The following ECE1 variants were observed in gnomAD, a reference collection of about 807,000 sequenced individuals.
The protein encoded by ECE1 is endothelin-converting enzyme 1.
ECE1 carries 35 observed loss-of-function variants against 98.6 expected under a neutral mutation model. That is an observed-to-expected ratio of 0.35 (90% CI 0.27 to 0.47). The LOEUF is 0.47. ECE1 is among the 20% of genes least tolerant of loss of function. The probability of loss-of-function intolerance (pLI) is 1.00; values close to 1 mark genes in which losing one functional copy is unlikely to be tolerated. For missense variants in ECE1, 814 were observed against 1,025.3 expected, an observed-to-expected ratio of 0.79 and a Z score of 2.81; for synonymous variants, 394 against 407.1, an observed-to-expected ratio of 0.97 and a Z score of 0.39.
In ECE1 at chr1:21,345,364, C is replaced by T; in HGVS notation, c.3+12G>A. 2 of 1,358,006 alleles carry T rather than the reference C, an allele frequency of 1.5e-6. No individual in the cohort carries two copies. Among genetic ancestry groups the T allele is most frequent in the Non-Finnish European group, 1.9e-6 (2 of 1,046,402 alleles). 84.1% of individuals were successfully genotyped at this position (1,358,006 alleles called of 1,614,324 possible). ...GGCTGGACCGGACCAGACCTCCGCG[C>T]GCAGCACTCACCATAGCTCGCGTGC... On this transcript the variant is annotated intron_variant, in intron 1 of 18. Transcript: ENST00000415912. The surrounding 1 kb of genome is among the most constrained non-coding windows in gnomAD (Gnocchi z 5.1).
At chr1:21,298,357 G>A (rs1030983946) in intron 1 of ECE1, 6 of 205,156 alleles carry the variant, frequency 2.9e-5, no homozygotes, top group Non-Finnish European at 4.1e-5. Flanking sequence ...GGTGCTCCGC[G>A]GCAGCATGCT....
chr1:21,221,784 A>G lies in ECE1; in HGVS notation c.2099T>C (p.Leu700Pro). 1 of 1,614,236 alleles carries G rather than the reference A, an allele frequency of 6.2e-7. No homozygotes were observed. The highest frequency in any genetic ancestry group is 8.5e-7 in the Non-Finnish European group (1 of 1,180,046). Reference protein sequence around the residue: ...GAEHSLPTLGLTNNQLFFLGF... With the variant: ...GAEHSLPTLGPTNNQLFFLGF... Reference sequence around the variant, plus strand: ...CAGGAAGAAGAGCTGGTTATTGGTGAGGCCCAGGGTGGGGAGCGAGTGCTC... The same window carrying G: ...CAGGAAGAAGAGCTGGTTATTGGTGGGGCCCAGGGTGGGGAGCGAGTGCTC... Residue 700 changes from leucine (L) to proline (P), a missense_variant, in exon 18 of 19, where the codon CTC becomes CCC. Leu to Pro is a moderately conservative substitution (Grantham distance 98). This residue lies in a region of ECE1 where 452 missense variants were observed against 567.3 expected (regional missense o/e 0.80). Coordinates refer to ENST00000374893, the MANE Select transcript of ECE1 (RefSeq NM_001397.3).
chr1:21,345,405 C>T lies in ECE1; in HGVS notation c.-27G>A. 2.3e-6 allele frequency: 3 copies of T among 1,328,956 alleles called. No homozygotes were observed. Among genetic ancestry groups the T allele is most frequent in the Non-Finnish European group, 1.9e-6 (2 of 1,029,068 alleles). The allele number at this position is 1,328,956 out of a possible 1,614,324, so 82.3% of individuals were successfully genotyped here. A position where few individuals can be genotyped will look rare whatever the true frequency, so the allele number is the denominator to read the frequency against. ...GCTCGCGTGCTCCGCCCCGGCTTCG[C>T]GCAGCTCCCCGCGCCCGGCTCCCGA... On this transcript the variant is annotated 5_prime_UTR_variant, in exon 1 of 19. Coordinates refer to the ECE1 transcript ENST00000415912. This position sits in a 1 kb window ranked among gnomAD's most constrained non-coding sequence, Gnocchi z 5.1.
rs562401936 is a variant in ECE1, at chr1:21,322,803, G to A, written c.3+22573C>T. Reference sequence around the variant, plus strand: ...GCTGAGAGAAAGAAACGGGGAGGCCGGGAAGGGAAGTGGGCATGGCCCCCG... The same window carrying A: ...GCTGAGAGAAAGAAACGGGGAGGCCAGGAAGGGAAGTGGGCATGGCCCCCG... On this transcript the variant is annotated intron_variant, in intron 1 of 18. Coordinates refer to the ECE1 transcript ENST00000415912. This position sits in a 1 kb window ranked among gnomAD's most constrained non-coding sequence, Gnocchi z 4.1. Among the ~76,000 whole-genome samples, 3 of 152,324 alleles carry A rather than the reference G, an allele frequency of 2.0e-5. No homozygotes were observed. Among genetic ancestry groups the A allele is most frequent in the Admixed American group, 6.5e-5 (1 of 15,304 alleles).
rs186289916 is a variant in ECE1 at position 21,281,131 on chromosome 1, A to G, written c.139-1799T>C. Among the ~76,000 whole-genome samples the G allele has an allele frequency of 4.0e-3, 610 of 152,322 alleles. 6 individuals carry two copies. The highest frequency in any genetic ancestry group is 0.014 in the African/African-American group (571 of 41,562). On this transcript the variant is annotated intron_variant, in intron 2 of 18. Coordinates refer to ENST00000374893, the MANE Select transcript of ECE1 (RefSeq NM_001397.3). ...CTTGAACCCGGGAGGCGGAGGTTGC[A>G]GTGAGCTGAGATTGCGCCACTGCAC...
intron 8 of ECE1, among the ~76,000 whole-genome samples, chr1:21,251,588 G>A (rs959617084): frequency 6.6e-6 from 1 of 152,200 alleles, no homozygotes; most frequent in African/African-American, 2.4e-5. Flanking sequence ...CGTGGCTGAT[G>A]GTAAAATACC....
At chr1:21,321,674 G>C (rs1638966510) in intron 1 of ECE1, among the ~76,000 whole-genome samples, 1 of 152,180 alleles carries the variant, frequency 6.6e-6, no homozygotes, top group Non-Finnish European at 1.5e-5. Context: ...GGAGTGTAAT[G>C]GCGCAATCTC....
rs2098224765 is a variant in ECE1, at chr1:21,260,082, G to A, written c.615+189C>T. Among the ~76,000 whole-genome samples, 2 of 152,178 alleles carry A rather than the reference G, an allele frequency of 1.3e-5. No individual in the cohort carries two copies. The highest frequency in any genetic ancestry group is 2.9e-5 in the Non-Finnish European group (2 of 68,026). On this transcript the variant is annotated intron_variant, in intron 5 of 18. Coordinates refer to ENST00000374893, the MANE Select transcript of ECE1 (RefSeq NM_001397.3). This position sits in a 1 kb window ranked among gnomAD's most constrained non-coding sequence, Gnocchi z 4.3. ...ACACATGCACAGACAACCCACCCAC[G>A]CAGCTACGCAATGTGCTCACACTCA... is the stretch of plus-strand genomic sequence containing the variant.
intron 7 of ECE1, chr1:21,256,563 AAAAAG>A (rs2103285171): frequency 6.5e-6 from 1 of 152,744 alleles, no homozygotes; most frequent in East Asian, 1.9e-4. Flanking sequence ...GTCTCAAAAA[AAAAAG>A]AAGAAGACAC....
At chr1:21,280,895 A>T (rs975453547) in intron 2 of ECE1, among the ~76,000 whole-genome samples, 18 of 152,190 alleles carry the variant, frequency 1.2e-4, no homozygotes, top group African/African-American at 4.3e-4. Context: ...GGGTTCCAAA[A>T]CTGAGAAAAG....
intron 1 of ECE1, among the ~76,000 whole-genome samples, chr1:21,315,054 T>C (rs1638803984): frequency 6.6e-6 from 1 of 152,236 alleles, no homozygotes; most frequent in Non-Finnish European, 1.5e-5. Context: ...CCTTGTACTG[T>C]AATTAATAAC....
chr1:21,236,832 T>C lies in ECE1; in HGVS notation c.1402A>G (p.Ile468Val). ...TCAAATGCCTTCTTAATCTCCAGGA[T>C]GATCTCGGTGGCCTGAGGAGATACA... ...EDSKSIATEIILEIKKAFEES... is the reference protein window; with the variant it reads ...EDSKSIATEIVLEIKKAFEES... The change falls in exon 12 of 19, where the codon ATC becomes GTC. Residue 468 changes from isoleucine (I) to valine (V), a missense_variant. Coordinates refer to ENST00000374893, the MANE Select transcript of ECE1 (RefSeq NM_001397.3). 6.2e-7 allele frequency: 1 copy of C among 1,613,804 alleles called. No individual in the cohort carries two copies. Among genetic ancestry groups the C allele is most frequent in the Non-Finnish European group, 8.5e-7 (1 of 1,179,988 alleles).
At chr1:21,284,113 G>T (rs1452194773) in intron 2 of ECE1, among the ~76,000 whole-genome samples, 1 of 152,202 alleles carries the variant, frequency 6.6e-6, no homozygotes, top group South Asian at 2.1e-4. Flanking sequence ...GCTGGCCTCG[G>T]CTGAGTCTCT....
At chr1:21,281,173 G>A (rs1339073041) in intron 2 of ECE1, among the ~76,000 whole-genome samples, 2 of 150,764 alleles carry the variant, frequency 1.3e-5, no homozygotes, top group Non-Finnish European at 2.9e-5. Context: ...CTGGGCGACA[G>A]AGCAAGACTC....
chr1:21,284,347 C>T (rs925489454), intron 2 of ECE1, among the ~76,000 whole-genome samples: 3 of 152,282 alleles, frequency 2.0e-5, no homozygotes, highest in South Asian at 2.1e-4. Context: ...AATGGCCATC[C>T]GCTAAGAGGC....
chr1:21,344,684 C>T (rs1294375848), intron 1 of ECE1, among the ~76,000 whole-genome samples: 1 of 152,162 alleles, frequency 6.6e-6, no homozygotes, highest in African/African-American at 2.4e-5. Context: ...TCCTGCCTAT[C>T]GCAGTCAGCA....
Position 21,227,176 on chromosome 1 carries a change from T to C in ECE1, c.1832A>G (p.His611Arg). 1 of 1,614,122 alleles carries C rather than the reference T, an allele frequency of 6.2e-7. No homozygotes were observed. Among genetic ancestry groups the C allele is most frequent in the Non-Finnish European group, 8.5e-7 (1 of 1,179,998 alleles). The change falls in exon 16 of 19, where the codon CAT (histidine) becomes CGT (arginine). Residue 611 changes from histidine (H) to arginine (R), a missense_variant. Transcript: ENST00000374893. ...ATTCGTACCTTGATCATCAAAAGCATGAGTCAGCTCATGGCCCACGACGAC... is the reference window on the plus strand; with the variant it reads ...ATTCGTACCTTGATCATCAAAAGCACGAGTCAGCTCATGGCCCACGACGAC... ...IGVVVGHELTHAFDDQGREYD... is the reference protein window; with the variant it reads ...IGVVVGHELTRAFDDQGREYD...
At chr1:21,266,861 A>G (rs1487704083) in intron 4 of ECE1, 1 of 152,130 alleles carries the variant, frequency 6.6e-6, no homozygotes, top group Non-Finnish European at 1.5e-5. Flanking sequence ...GGCTCAGAAA[A>G]CCGGAGGTGA....
chr1:21,224,508 G>A (rs899232902), intron 17 of ECE1, among the ~76,000 whole-genome samples: 11 of 152,218 alleles, frequency 7.2e-5, no homozygotes, highest in East Asian at 3.9e-4. Context: ...TCTGCAAAAC[G>A]GGGATTATAA....
Sources: gnomAD v4.1 joint callset for allele counts (sites outside exome capture counted in the v4.1 genomes callset) on GRCh38, gnomAD v4.1.1 for gene constraint, gnomAD v4.1.1 regional missense constraint, Gnocchi (gnomAD v3.1) non-coding constraint, MANE v1.5 for transcripts, NCBI Gene and HGNC (gene_info 2026-07-23, HGNC 2026-07-21) for gene names.